DGKG: variants seen among roughly 807,000 people sequenced by gnomAD.
DGKG encodes DAG kinase gamma.
A neutral mutation model predicts 105.3 loss-of-function variants in DGKG; 78 were observed. The observed-to-expected ratio is 0.74, with a 90% confidence interval of 0.62 to 0.89. The LOEUF is 0.89. Among genes scored for constraint, DGKG ranks in the 40% least tolerant of loss-of-function variants. The pLI is 0.00. For missense variants in DGKG, 958 were observed against 1,020.1 expected (o/e 0.94, Z 0.83); for synonymous variants, 346 against 367.1 (o/e 0.94, Z 0.66).
chr3:186,228,963 C>T (rs937388205), intron 20 of DGKG, among the ~76,000 whole-genome samples: 3 of 152,122 alleles, frequency 2.0e-5, no homozygotes, highest in East Asian at 1.9e-4. Flanking sequence ...ATAGGGTCTT[C>T]GCAGATGTCA....
intron 10 of DGKG, among the ~76,000 whole-genome samples, chr3:186,274,354 A>AT (rs1423030388): frequency 1.3e-5 from 2 of 151,188 alleles, no homozygotes; most frequent in South Asian, 4.2e-4. Context: ...TGCCCAGCTA[A>AT]TTTTTTTTTA....
intron 22 of DGKG, among the ~76,000 whole-genome samples, chr3:186,184,933 A>T (rs1045386237): frequency 1.3e-5 from 2 of 152,198 alleles, no homozygotes; most frequent in Non-Finnish European, 2.9e-5. Flanking sequence ...TAGAAATTTG[A>T]ATATAATTCT....
chr3:186,313,436 G>C (rs1443080821), intron 2 of DGKG: 1 of 915,302 alleles, frequency 1.1e-6, no homozygotes, highest in Non-Finnish European at 1.3e-6. Flanking sequence ...TGACTTATTT[G>C]TGTAAGTAAA....
At chr3:186,165,617 G>T (rs533910058) in intron 22 of DGKG, among the ~76,000 whole-genome samples, 1 of 152,366 alleles carries the variant, frequency 6.6e-6, no homozygotes, top group African/African-American at 2.4e-5. Context: ...ACCAACATCA[G>T]AGTCTGTGAG....
At chr3:186,243,328 C>T (rs1720776011) in intron 19 of DGKG, among the ~76,000 whole-genome samples, 1 of 152,038 alleles carries the variant, frequency 6.6e-6, no homozygotes, top group South Asian at 2.1e-4. Context: ...TAGCACATCC[C>T]TTTGCCACAC....
chr3:186,256,009 G>C (rs1017586518), intron 17 of DGKG, among the ~76,000 whole-genome samples: 4 of 152,154 alleles, frequency 2.6e-5, no homozygotes, highest in African/African-American at 9.7e-5. Flanking sequence ...CTCTGCGGAT[G>C]AACTGCATAA....
chr3:186,270,014 G>C (rs2268832), intron 11 of DGKG, among the ~76,000 whole-genome samples: 4 of 151,926 alleles, frequency 2.6e-5, no homozygotes, highest in Non-Finnish European at 5.9e-5. Flanking sequence ...GAAGGAAGTG[G>C]ATATGGACTC....
intron 1 of DGKG, among the ~76,000 whole-genome samples, chr3:186,358,393 C>T (rs961980457): frequency 1.3e-5 from 2 of 152,192 alleles, no homozygotes; most frequent in African/African-American, 4.8e-5. Context: ...GGAGCAACAA[C>T]AGATTATATT....
intron 24 of DGKG, among the ~76,000 whole-genome samples, chr3:186,155,416 A>T (rs985808350): frequency 6.7e-6 from 1 of 150,206 alleles, no homozygotes; most frequent in Non-Finnish European, 1.5e-5. Flanking sequence ...CTGGTCTTGA[A>T]CTCCTGACCT....
At chr3:186,245,100 C>T (rs1285974308) in intron 19 of DGKG, among the ~76,000 whole-genome samples, 1 of 152,244 alleles carries the variant, frequency 6.6e-6, no homozygotes, top group Non-Finnish European at 1.5e-5. Context: ...ACCCCCAATA[C>T]TGCTGATTGA....
chr3:186,350,510 T>C (rs1295459268), intron 1 of DGKG, among the ~76,000 whole-genome samples: 2 of 152,250 alleles, frequency 1.3e-5, no homozygotes, highest in Non-Finnish European at 2.9e-5. Context: ...TTTGGGTTGC[T>C]TTTATCTCTT....
At chr3:186,257,756 G>C (rs1011065611) in intron 17 of DGKG, 98 bp downstream of exon 17, 3 of 904,908 alleles carry the variant, frequency 3.3e-6, no homozygotes, top group Non-Finnish European at 5.5e-6. Flanking sequence ...AGGATGAACA[G>C]ACATGGCTCC....
intron 2 of DGKG, among the ~76,000 whole-genome samples, chr3:186,320,031 T>C (rs1725004907): frequency 6.6e-6 from 1 of 152,194 alleles, no homozygotes; most frequent in Non-Finnish European, 1.5e-5. Context: ...ACATACGATA[T>C]ATTAGGCGGA....
intron 1 of DGKG, among the ~76,000 whole-genome samples, chr3:186,352,261 G>C (rs1171241308): frequency 6.6e-6 from 1 of 152,170 alleles, no homozygotes; most frequent in Non-Finnish European, 1.5e-5. Flanking sequence ...TGAGTCAATA[G>C]ACGGCTACTG....
At chr3:186,189,831 T>C (rs114296219) in intron 21 of DGKG, among the ~76,000 whole-genome samples, 2,167 of 152,298 alleles carry the variant, frequency 0.014, 28 homozygotes, top group Middle Eastern at 0.034. Context: ...GGTCTCTTTA[T>C]GTTGATCTGG....
intron 7 of DGKG, among the ~76,000 whole-genome samples, chr3:186,282,341 G>A (rs1052827013): frequency 6.6e-6 from 1 of 152,236 alleles, no homozygotes; most frequent in Non-Finnish European, 1.5e-5. Context: ...TAAGGTAGGA[G>A]TCCATATGAC....
chr3:186,166,153 G>A (rs3821753), intron 22 of DGKG, among the ~76,000 whole-genome samples: 20,761 of 152,182 alleles, frequency 0.14, 1,625 homozygotes, highest in South Asian at 0.29. Context: ...ATCTCTTGAC[G>A]GATGTATTCC....
chr3:186,275,519 G>A lies in DGKG; in HGVS notation c.910+28C>T, dbSNP rs776066663. The A allele has an allele frequency of 5.7e-6, 9 of 1,580,570 alleles. No individual in the cohort carries two copies. In the African/African-American group the frequency reaches 8.1e-5, roughly 14 times the overall value. On this transcript the variant is annotated intron_variant, in intron 10 of 24. Coordinates refer to ENST00000265022, the MANE Select transcript of DGKG (RefSeq NM_001346.3). The stretch of plus-strand genomic sequence containing the variant: ...TGCGCAGAGCAAGATAGTGCCTGGG[G>A]GAAGAGGTTTGAAGGAAATTTACTC...
chr3:186,347,973 A>G (rs1726427281), intron 1 of DGKG, among the ~76,000 whole-genome samples: 1 of 152,278 alleles, frequency 6.6e-6, no homozygotes, highest in East Asian at 1.9e-4. Flanking sequence ...ATATTCATCT[A>G]CTGTCTTCTT....
Sources: gnomAD v4.1 joint callset for allele counts (sites outside exome capture counted in the v4.1 genomes callset) on GRCh38, gnomAD v4.1.1 for gene constraint, MANE v1.5 for transcripts, NCBI Gene and HGNC (gene_info 2026-07-23, HGNC 2026-07-21) for gene names.